NGEF: variants seen among roughly 807,000 people sequenced by gnomAD.
NGEF encodes ephexin-1.
Under a neutral mutation model 80.9 loss-of-function variants are expected in NGEF, and 31 were observed. That is an observed-to-expected ratio of 0.38 (90% CI 0.29 to 0.52). The LOEUF is 0.52. Ranked by LOEUF, NGEF falls within the 20% of genes least tolerant of loss-of-function variation. The pLI, the probability that NGEF is intolerant of heterozygous loss-of-function variation, is 0.84. For missense variants in NGEF, 709 were observed against 926.2 expected (o/e 0.77, Z 3.04); for synonymous variants, 371 against 370.2 (o/e 1.00, Z -0.03).
intron 5 of NGEF, among the ~76,000 whole-genome samples, chr2:232,896,568 GGGTGAA>G (rs2106237862): frequency 8.7e-6 from 1 of 115,396 alleles, no homozygotes. Flanking sequence ...GTAGGGGTGA[GGGTGAA>G]GGTAGGGGTG....
At chr2:232,905,082 CCTCTCCCCTCT>C (rs1692462333) in intron 5 of NGEF, among the ~76,000 whole-genome samples, 1 of 151,984 alleles carries the variant, frequency 6.6e-6, no homozygotes, top group South Asian at 2.1e-4. Context: ...TCCCCTCTCC[CCTCTCCCCTCT>C]CTCTCCTCTC....
rs113696615 is a variant in NGEF, at chr2:232,946,249, T to C, written c.384-19063A>G. On this transcript the variant is annotated intron_variant, in intron 3 of 14. Coordinates refer to ENST00000264051, the MANE Select transcript of NGEF (RefSeq NM_019850.3). The stretch of plus-strand genomic sequence containing the variant: ...GCTAAGCTATGAGGATACAAAGACG[T>C]AAGAATGACACAGTGGACTTTGGGG... Among the ~76,000 whole-genome samples the C allele has an allele frequency of 6.6e-3, 993 of 151,420 alleles. 16 individuals carry two copies. Among genetic ancestry groups the C allele is most frequent in the African/African-American group, 0.023 (947 of 41,186 alleles).
intron 8 of NGEF, among the ~76,000 whole-genome samples, chr2:232,888,804 GAA>G (rs1440115805): frequency 6.6e-6 from 1 of 152,240 alleles, no homozygotes; most frequent in African/African-American, 2.4e-5. Flanking sequence ...GAAAGTGTAA[GAA>G]AGAGTCTCTT....
rs1451096790 is a variant in NGEF at position 232,962,642 on chromosome 2, T to G, written c.383+7572A>C. 2.6e-5 allele frequency among the ~76,000 whole-genome samples: 4 copies of G among 151,806 alleles called. 1 individual carries two copies. Among genetic ancestry groups the G allele is most frequent in the African/African-American group, 9.7e-5 (4 of 41,172 alleles). On this transcript the variant is annotated intron_variant, in intron 3 of 14. Transcript: ENST00000264051. The stretch of plus-strand genomic sequence containing the variant: ...TTTTTACATACTACCAAAAAATGAT[T>G]GAAAAATGAAATTAGAAAACATTGG...
intron 8 of NGEF, among the ~76,000 whole-genome samples, chr2:232,890,145 C>T (rs80035832): frequency 1.4e-5 from 2 of 140,940 alleles, no homozygotes; most frequent in African/African-American, 2.7e-5. Flanking sequence ...GGTTGTCAGG[C>T]GGAGGGAGTC....
rs1374226448 is a variant in NGEF at position 232,892,950 on chromosome 2, T to C, written c.1090A>G (p.Ile364Val). The change falls in exon 7 of 15, where the codon ATC (isoleucine) becomes GTC (valine). Residue 364 changes from isoleucine to valine, a missense_variant. Coordinates refer to ENST00000264051, the MANE Select transcript of NGEF (RefSeq NM_019850.3). The surrounding 1 kb of genome is among the most constrained non-coding windows in gnomAD (Gnocchi z 4.0). ...TAGGTCTGATTGCTGACGTAGGTGATGTAGACAGAGAAGTGGTCGGCCGCA... is the reference window on the plus strand; with the variant it reads ...TAGGTCTGATTGCTGACGTAGGTGACGTAGACAGAGAAGTGGTCGGCCGCA... ...RYAADHFSVY[I>V]TYVSNQTYQE... 1 of 1,613,620 alleles carries C rather than the reference T, an allele frequency of 6.2e-7. No individual in the cohort carries two copies. Among genetic ancestry groups the C allele is most frequent in the South Asian group, 1.1e-5 (1 of 91,082 alleles).
At chr2:232,997,174 T>C (rs902935460) in intron 1 of NGEF, among the ~76,000 whole-genome samples, 1 of 152,142 alleles carries the variant, frequency 6.6e-6, no homozygotes, top group Non-Finnish European at 1.5e-5. Flanking sequence ...CATGCACAGA[T>C]TGCTGGGCCC....
intron 9 of NGEF, among the ~76,000 whole-genome samples, chr2:232,887,057 C>G (rs1691715746): frequency 6.6e-6 from 1 of 152,222 alleles, no homozygotes; most frequent in African/African-American, 2.4e-5. Flanking sequence ...AGGAAGTCCT[C>G]ATGTCTCAAT....
chr2:232,884,119 C>A lies in NGEF; in HGVS notation c.1463G>T (p.Arg488Leu). Residue 488 changes from arginine (R) to leucine (L), a missense_variant, in exon 11 of 15, where the codon CGC becomes CTC. Physicochemically the swap from Arg to Leu is moderately radical, Grantham distance 102. Transcript: ENST00000264051. ...CAGCTCACCCTGCTTCAGCAGCCAG[C>A]GGGAGTGGGAGATGATGGGCACCGA... ...IKSVPIISHS[R>L]WLLKQGELQQ... 6.2e-7 allele frequency: 1 copy of A among 1,605,122 alleles called. No homozygotes were observed. The highest frequency in any genetic ancestry group is 8.5e-7 in the Non-Finnish European group (1 of 1,177,570).
At chr2:232,974,467 C>A (rs924578875) in intron 2 of NGEF, among the ~76,000 whole-genome samples, 156 bp downstream of exon 2, 1 of 152,178 alleles carries the variant, frequency 6.6e-6, no homozygotes, top group East Asian at 1.9e-4. Flanking sequence ...AATTTGGGTT[C>A]TTTAGATAAT....
At chr2:232,914,427 C>T (rs544879343) in intron 5 of NGEF, among the ~76,000 whole-genome samples, 21 of 152,288 alleles carry the variant, frequency 1.4e-4, no homozygotes, top group East Asian at 9.6e-4. Flanking sequence ...CCATCATTGC[C>T]AGGCATGGTG....
rs192275448 is a variant in NGEF at position 232,949,109 on chromosome 2, G to A, written c.383+21105C>T. ...CATGAAATGTTGAGGTTGGGATGTC[G>A]CAGAGGCCAAGGGAAGGAAGAGAAC... On this transcript the variant is annotated intron_variant, in intron 3 of 14. Transcript: ENST00000264051. Among the ~76,000 whole-genome samples, 197 of 152,282 alleles carry A rather than the reference G, an allele frequency of 1.3e-3. 1 individual carries two copies. The highest frequency in any genetic ancestry group is 4.4e-3 in the African/African-American group (183 of 41,562).
chr2:232,996,563 C>T (rs1574661451), intron 1 of NGEF, among the ~76,000 whole-genome samples: 1 of 152,184 alleles, frequency 6.6e-6, no homozygotes, highest in Non-Finnish European at 1.5e-5. Context: ...ATGTCCAAGT[C>T]CCTTTGTAAA....
chr2:232,888,034 A>G lies in NGEF; in HGVS notation c.1346T>C (p.Met449Thr). The G allele has an allele frequency of 6.2e-7, 1 of 1,613,632 alleles. No individual in the cohort carries two copies. The change falls in exon 9 of 15, where the codon ATG (methionine) becomes ACG (threonine). Residue 449 changes from methionine (M) to threonine (T), a missense_variant and splice_region_variant. Physicochemically the swap from Met to Thr is moderately conservative, Grantham distance 81. Transcript: ENST00000264051. ...AGCACAAGAGGAGGTGAGACTCACC[A>G]TTTCCAGCTCCTTGTGAGCATCCAA... ...TALDAHKELE[M>T]VVKACNEGVR...
chr2:232,906,061 GA>G (rs1692514647), intron 5 of NGEF, among the ~76,000 whole-genome samples: 1 of 132,170 alleles, frequency 7.6e-6, no homozygotes, highest in Non-Finnish European at 1.7e-5. Flanking sequence ...CCCCGTCCGG[GA>G]GGGAGGTGAG....
At chr2:232,994,837 T>G (rs1353692618) in intron 1 of NGEF, among the ~76,000 whole-genome samples, 1 of 151,896 alleles carries the variant, frequency 6.6e-6, no homozygotes, top group East Asian at 1.9e-4. Flanking sequence ...TAGAAGATAC[T>G]ATTCCATCCA....
chr2:232,981,211 C>G (rs896205854), intron 1 of NGEF, among the ~76,000 whole-genome samples: 1 of 150,836 alleles, frequency 6.6e-6, no homozygotes. Flanking sequence ...GAAATCAGAC[C>G]TAACCAACTC....
intron 1 of NGEF, among the ~76,000 whole-genome samples, chr2:232,979,677 T>A (rs781282935): frequency 3.3e-5 from 5 of 152,114 alleles, no homozygotes; most frequent in Admixed American, 6.6e-5. Flanking sequence ...CAGCTCATGG[T>A]GCACTTGCAT....
chr2:232,973,648 C>G (rs1694237699), intron 2 of NGEF, among the ~76,000 whole-genome samples: 1 of 152,176 alleles, frequency 6.6e-6, no homozygotes, highest in African/African-American at 2.4e-5. Context: ...GGCAGGCAGT[C>G]CCAGTTCACA....
Sources: gnomAD v4.1 joint callset for allele counts (sites outside exome capture counted in the v4.1 genomes callset) on GRCh38, gnomAD v4.1.1 for gene constraint, Gnocchi (gnomAD v3.1) non-coding constraint, MANE v1.5 for transcripts, NCBI Gene and HGNC (gene_info 2026-07-23, HGNC 2026-07-21) for gene names.